GPC5: variants seen among roughly 807,000 people sequenced by gnomAD.
GPC5 encodes the protein glypican 5, also known as glypican-5.
A neutral mutation model predicts 53.9 loss-of-function variants in GPC5; 47 were observed. The ratio of observed to expected loss-of-function variants is 0.87; its 90% CI spans 0.69 to 1.11. The LOEUF (loss-of-function observed/expected upper bound fraction) is 1.11, where lower values mean the gene tolerates loss of function less well. GPC5 is among the 50% of genes most tolerant of loss of function. GPC5 has a pLI of 0.00. For synonymous variants in GPC5, 286 were observed against 263.3 expected (o/e 1.09, Z -0.84); for missense variants, 748 against 713.1 (o/e 1.05, Z -0.56).
intron 7 of GPC5, among the ~76,000 whole-genome samples, chr13:92,195,195 T>G (rs2042248681): frequency 6.6e-6 from 1 of 152,218 alleles, no homozygotes; most frequent in South Asian, 2.1e-4. Flanking sequence ...AGTTTTGATC[T>G]CTAATCTAGA....
chr13:92,756,899 A>G (rs1385311225), intron 7 of GPC5, among the ~76,000 whole-genome samples: 272 of 151,404 alleles, frequency 1.8e-3, no homozygotes, highest in Non-Finnish European at 2.9e-3. Flanking sequence ...GAAAATGGCC[A>G]TACTGCCCAA....
At chr13:91,579,220 T>C (rs1202999360) in intron 2 of GPC5, among the ~76,000 whole-genome samples, 1 of 152,052 alleles carries the variant, frequency 6.6e-6, no homozygotes, top group African/African-American at 2.4e-5. Flanking sequence ...CCCTCGGAGG[T>C]CAGGGCATTA....
chr13:92,246,177 AC>A (rs1160181606), intron 7 of GPC5, among the ~76,000 whole-genome samples: 2 of 152,144 alleles, frequency 1.3e-5, no homozygotes, highest in African/African-American at 4.8e-5. Context: ...CAAAGTAGCA[AC>A]ATAGGAAAGT....
intron 7 of GPC5, among the ~76,000 whole-genome samples, chr13:92,695,780 C>T (rs1887539875): frequency 6.6e-6 from 1 of 151,596 alleles, no homozygotes. Context: ...TATACATGTG[C>T]CATGGTTGTT....
At position 91,753,100 on chromosome 13, in the gene GPC5, T is replaced by C. The variant is rs1485818868; in HGVS notation, c.1155-3195T>C. Among the ~76,000 whole-genome samples the C allele has an allele frequency of 1.1e-4, 16 of 152,238 alleles. No homozygotes were observed. In the East Asian group the frequency reaches 2.7e-3, roughly 26 times the overall value. On this transcript the variant is annotated intron_variant, in intron 4 of 7. Coordinates refer to ENST00000377067, the MANE Select transcript of GPC5 (RefSeq NM_004466.6). ...TACTGTGTGTAAAGCCACTGCTCTA[T>C]GATTTATGGCTGTGAACAAAACAAG...
At chr13:92,489,296 A>G (rs997516399) in intron 7 of GPC5, among the ~76,000 whole-genome samples, 1 of 152,156 alleles carries the variant, frequency 6.6e-6, no homozygotes, top group African/African-American at 2.4e-5. Flanking sequence ...TAGTATGTGC[A>G]GGGCTATGTC....
At chr13:91,681,332 A>G (rs1032520899) in intron 2 of GPC5, among the ~76,000 whole-genome samples, 2 of 152,194 alleles carry the variant, frequency 1.3e-5, no homozygotes, top group African/African-American at 4.8e-5. Flanking sequence ...CAGCTTTAGA[A>G]GCTAGAGTTA....
intron 7 of GPC5, among the ~76,000 whole-genome samples, chr13:92,210,390 A>G (rs2042366466): frequency 6.6e-6 from 1 of 152,136 alleles, no homozygotes; most frequent in Admixed American, 6.5e-5. Context: ...AATTTTGACA[A>G]TTCTTCTTGA....
At chr13:91,472,277 A>T (rs188428397) in intron 2 of GPC5, among the ~76,000 whole-genome samples, 1 of 152,236 alleles carries the variant, frequency 6.6e-6, no homozygotes, top group Non-Finnish European at 1.5e-5. Context: ...CTTTAGATGG[A>T]TGGGATAAAG....
chr13:92,085,562 G>C (rs963285879), intron 6 of GPC5, among the ~76,000 whole-genome samples: 1 of 152,102 alleles, frequency 6.6e-6, no homozygotes, highest in African/African-American at 2.4e-5. Context: ...GATGGTTTCA[G>C]AATGATTTGA....
At chr13:92,016,949 A>T (rs1248743681) in intron 6 of GPC5, among the ~76,000 whole-genome samples, 1 of 151,938 alleles carries the variant, frequency 6.6e-6, no homozygotes, top group Non-Finnish European at 1.5e-5. Context: ...TGGCCTCATT[A>T]CCTCTGGACA....
intron 7 of GPC5, among the ~76,000 whole-genome samples, chr13:92,549,861 GT>G (rs1183387703): frequency 1.4e-5 from 2 of 146,756 alleles, no homozygotes; most frequent in Non-Finnish European, 3.0e-5. Flanking sequence ...AAGGGGGAAA[GT>G]TTCTTTTACC....
At chr13:92,472,181 C>T (rs922597172) in intron 7 of GPC5, among the ~76,000 whole-genome samples, 1 of 152,082 alleles carries the variant, frequency 6.6e-6, no homozygotes, top group Admixed American at 6.6e-5. Flanking sequence ...GCATATTACT[C>T]CTTCTGTATT....
intron 5 of GPC5, among the ~76,000 whole-genome samples, chr13:91,864,740 A>C (rs760296980): frequency 1.3e-5 from 2 of 152,200 alleles, no homozygotes; most frequent in Non-Finnish European, 2.9e-5. Flanking sequence ...AAAAGGAGAT[A>C]GAATATCCAA....
intron 6 of GPC5, among the ~76,000 whole-genome samples, chr13:91,971,086 C>T (rs948695437): frequency 3.3e-5 from 5 of 152,158 alleles, no homozygotes; most frequent in Non-Finnish European, 7.4e-5. Context: ...GCTATGAATC[C>T]ATCTGGTCCT....
At chr13:92,382,852 A>T (rs1390822872) in intron 7 of GPC5, among the ~76,000 whole-genome samples, 2 of 151,746 alleles carry the variant, frequency 1.3e-5, no homozygotes, top group Non-Finnish European at 2.9e-5. Flanking sequence ...ACAAAAAAAA[A>T]ATTAGCCAGG....
intron 7 of GPC5, among the ~76,000 whole-genome samples, chr13:92,775,755 T>G (rs1032344043): frequency 8.5e-5 from 13 of 152,210 alleles, no homozygotes; most frequent in Non-Finnish European, 1.3e-4. Flanking sequence ...AGAGTTCAGT[T>G]CTAAAGTCCA....
chr13:91,401,918 C>T (rs967813431), intron 1 of GPC5, among the ~76,000 whole-genome samples: 2 of 151,414 alleles, frequency 1.3e-5, no homozygotes, highest in African/African-American at 4.8e-5. Context: ...TTAGAGATTT[C>T]CCTGTGTTCC....
At chr13:92,533,146 TG>T (rs1457989942) in intron 7 of GPC5, among the ~76,000 whole-genome samples, 1 of 152,164 alleles carries the variant, frequency 6.6e-6, no homozygotes, top group Non-Finnish European at 1.5e-5. Flanking sequence ...CAGAATCCAA[TG>T]GGAAAAACAA....
Sources: gnomAD v4.1 joint callset for allele counts (sites outside exome capture counted in the v4.1 genomes callset) on GRCh38, gnomAD v4.1.1 for gene constraint, MANE v1.5 for transcripts, NCBI Gene and HGNC (gene_info 2026-07-23, HGNC 2026-07-21) for gene names.